The following LPCAT3 variants were observed in gnomAD, a reference collection of about 807,000 sequenced individuals.
LPCAT3 encodes the protein lysophospholipid acyltransferase 5.
LPCAT3 carries 21 observed loss-of-function variants against 63.4 expected under a neutral mutation model. That is an observed-to-expected ratio of 0.33 (90% CI 0.23 to 0.48). The LOEUF is 0.48. Among genes scored for constraint, LPCAT3 ranks in the 20% least tolerant of loss-of-function variants. The pLI is 0.99. For synonymous variants in LPCAT3, 242 were observed against 227.5 expected (o/e 1.06, Z -0.58); for missense variants, 451 against 590.6 (o/e 0.76, Z 2.45).
chr12:6,998,315 C>T (rs1348773848), intron 1 of LPCAT3, among the ~76,000 whole-genome samples: 4 of 152,168 alleles, frequency 2.6e-5, no homozygotes, highest in Non-Finnish European at 2.9e-5. Flanking sequence ...TATGTTTGGC[C>T]GTGTGTGTGC....
At chr12:6,998,454 A>G (rs782031553) in intron 1 of LPCAT3, among the ~76,000 whole-genome samples, 2 of 152,314 alleles carry the variant, frequency 1.3e-5, no homozygotes, top group African/African-American at 4.8e-5. Flanking sequence ...CAACTTTTCT[A>G]TTCTTTCACC....
At chr12:7,014,529 A>G (rs188555905) in intron 1 of LPCAT3, among the ~76,000 whole-genome samples, 221 of 152,252 alleles carry the variant, frequency 1.5e-3, no homozygotes, top group African/African-American at 4.4e-3. Flanking sequence ...GACTGCTCAA[A>G]ATACTCCAGT....
At chr12:7,003,216 T>C (rs1946701316) in intron 1 of LPCAT3, among the ~76,000 whole-genome samples, 2 of 152,120 alleles carry the variant, frequency 1.3e-5, no homozygotes, top group Non-Finnish European at 2.9e-5. Flanking sequence ...TATTTGGTTA[T>C]TAAAATGAGA....
At chr12:7,000,202 G>C (rs1289689484) in intron 1 of LPCAT3, among the ~76,000 whole-genome samples, 2 of 152,002 alleles carry the variant, frequency 1.3e-5, no homozygotes, top group African/African-American at 2.4e-5. Flanking sequence ...TTATAGGCGT[G>C]AGCCACCGCG....
chr12:6,979,903 G>C (rs1385269344), intron 6 of LPCAT3: 1 of 274,762 alleles, frequency 3.6e-6, no homozygotes, highest in Non-Finnish European at 6.8e-6. Context: ...TGAAAACCCA[G>C]TGGAGGTAAG....
Position 6,976,530 on chromosome 12 carries a change from G to C in LPCAT3, c.*374C>G, listed in dbSNP as rs1398869479. ...ACTTGCGGTCAGGAGTTCGAGACCA[G>C]CCTGGCCAACGTGGTGAAATCCCGT... On this transcript the variant is annotated 3_prime_UTR_variant, in exon 13 of 13. Coordinates refer to ENST00000261407, the MANE Select transcript of LPCAT3 (RefSeq NM_005768.6). 2.6e-5 allele frequency: 4 copies of C among 153,160 alleles called. No individual in the cohort carries two copies. The highest frequency in any genetic ancestry group is 9.7e-5 in the African/African-American group (4 of 41,450). The allele number at this position is 153,160 out of a possible 1,614,324, so 9.5% of individuals were successfully genotyped here.
intron 1 of LPCAT3, among the ~76,000 whole-genome samples, chr12:6,985,793 G>A (rs1946519893): frequency 6.7e-6 from 1 of 149,730 alleles, no homozygotes; most frequent in Non-Finnish European, 1.5e-5. Context: ...TTTTGAGATG[G>A]AGTTTAGCTG....
intron 1 of LPCAT3, among the ~76,000 whole-genome samples, chr12:7,001,838 C>A (rs1458626615): frequency 1.3e-5 from 2 of 151,960 alleles, no homozygotes; most frequent in African/African-American, 4.8e-5. Flanking sequence ...TAAGAGACTG[C>A]ATGACATTGG....
chr12:6,980,943 A>G, intron 6 of LPCAT3, 61 bp downstream of exon 6: 1 of 1,467,642 alleles, frequency 6.8e-7, no homozygotes, highest in South Asian at 1.4e-5. Context: ...AGCTTTCAGA[A>G]GAGTCACTTC....
intron 1 of LPCAT3, among the ~76,000 whole-genome samples, chr12:7,013,789 A>G (rs1241248910): frequency 6.6e-6 from 1 of 152,150 alleles, no homozygotes; most frequent in Non-Finnish European, 1.5e-5. Context: ...TTTCCCTACT[A>G]CTTGTCTATG....
In LPCAT3 at chr12:6,988,865, G is replaced by A. The variant is rs782097221; in HGVS notation, c.152-5326C>T. 2.3e-4 allele frequency among the ~76,000 whole-genome samples: 35 copies of A among 152,204 alleles called. No homozygotes were observed. In the East Asian group the frequency reaches 6.0e-3, roughly 26 times the overall value. On this transcript the variant is annotated intron_variant, in intron 1 of 12. Transcript: ENST00000261407. ...TTGTTGGCCGGGCGCCGTGGCTCAC[G>A]CCTGTAATCCCAGCACTTTGGGAGG...
chr12:6,999,615 A>G (rs1352451318), intron 1 of LPCAT3, among the ~76,000 whole-genome samples: 3 of 152,208 alleles, frequency 2.0e-5, no homozygotes, highest in Non-Finnish European at 4.4e-5. Context: ...TGCAATAACT[A>G]AAAATTATTC....
intron 1 of LPCAT3, among the ~76,000 whole-genome samples, chr12:6,986,928 A>C (rs1555154891): frequency 6.6e-6 from 1 of 152,116 alleles, no homozygotes; most frequent in African/African-American, 2.4e-5. Flanking sequence ...AGCCTGGCCA[A>C]CATGGTGAAA....
Position 7,005,077 on chromosome 12 carries a change from G to A in LPCAT3, c.151+13197C>T, listed in dbSNP as rs781923865. Among the ~76,000 whole-genome samples the A allele has an allele frequency of 9.2e-5, 14 of 152,212 alleles. No homozygotes were observed. The East Asian group carries it at 2.1e-3, about 23-fold the overall frequency. The stretch of plus-strand genomic sequence containing the variant: ...GCCAGAACATTAGAAACCCTGTACC[G>A]CATAGTGGCCATTCCCAATTCACCC... On this transcript the variant is annotated intron_variant, in intron 1 of 12. Coordinates refer to ENST00000261407, the MANE Select transcript of LPCAT3 (RefSeq NM_005768.6).
intron 1 of LPCAT3, among the ~76,000 whole-genome samples, chr12:7,007,761 C>T (rs1372663220): frequency 6.6e-6 from 1 of 152,166 alleles, no homozygotes; most frequent in Non-Finnish European, 1.5e-5. Context: ...TCCCAAAGTG[C>T]TGGGATTACA....
intron 2 of LPCAT3, 184 bp from the exon 3 acceptor site, chr12:6,982,966 A>C (rs782044203): frequency 2.7e-5 from 18 of 669,800 alleles, no homozygotes; most frequent in Non-Finnish European, 3.0e-5. Context: ...TTAGGGTGTT[A>C]TTTTATTTCT....
rs1388392001 is a variant in LPCAT3, at chr12:6,977,947, C to T, written c.1041-202G>A. 1.2e-5 allele frequency: 7 copies of T among 607,882 alleles called. No individual in the cohort carries two copies. Among genetic ancestry groups the T allele is most frequent in the South Asian group, 3.9e-5 (2 of 51,082 alleles). 37.7% of individuals were successfully genotyped at this position (607,882 alleles called of 1,614,324 possible). On this transcript the variant is annotated intron_variant, in intron 9 of 12. Coordinates refer to ENST00000261407, the MANE Select transcript of LPCAT3 (RefSeq NM_005768.6). This position sits in a 1 kb window ranked among gnomAD's most constrained non-coding sequence, Gnocchi z 4.5. Reference sequence around the variant, plus strand: ...CCAAGGCGGAGCTGGAGACCGTGTGCGCACGAGCCACTTGGTTCAGCAGCA... The same window carrying T: ...CCAAGGCGGAGCTGGAGACCGTGTGTGCACGAGCCACTTGGTTCAGCAGCA...
chr12:7,000,769 C>T (rs934430895), intron 1 of LPCAT3, among the ~76,000 whole-genome samples: 3 of 151,386 alleles, frequency 2.0e-5, no homozygotes, highest in South Asian at 2.1e-4. Context: ...TGCAGTGGCG[C>T]GATCTCGGCT....
intron 6 of LPCAT3, 96 bp downstream of exon 6, chr12:6,980,908 A>C (rs1555153973): frequency 1.6e-6 from 2 of 1,287,308 alleles, no homozygotes; most frequent in Non-Finnish European, 2.1e-6. Context: ...TCAGGTCTCT[A>C]TGCCAGGGTC....
Sources: allele counts gnomAD v4.1 joint callset (sites outside exome capture counted in the v4.1 genomes callset), GRCh38; gene constraint gnomAD v4.1.1; non-coding constraint Gnocchi (gnomAD v3.1); transcripts MANE v1.5; gene names NCBI Gene and HGNC (gene_info 2026-07-23, HGNC 2026-07-21).